The following HS6ST3 variants were observed in gnomAD, a reference collection of about 807,000 sequenced individuals.
HS6ST3 encodes the protein heparan sulfate 6-O-sulfotransferase 3, also known as heparan-sulfate 6-O-sulfotransferase 3.
In HS6ST3, 12 loss-of-function variants were observed where a neutral mutation model predicts 36.7. The ratio of observed to expected loss-of-function variants is 0.33; its 90% confidence interval spans 0.21 to 0.53. The LOEUF (loss-of-function observed/expected upper bound fraction) is 0.53, where lower values mean the gene tolerates loss of function less well. Ranked by LOEUF, HS6ST3 falls within the 20% of genes least tolerant of loss-of-function variation. The pLI is 0.95. For synonymous variants in HS6ST3, 240 were observed against 257.5 expected, an observed-to-expected ratio of 0.93 and a Z score of 0.65; for missense variants, 584 against 640.9, an observed-to-expected ratio of 0.91 and a Z score of 0.96.
intron 1 of HS6ST3, among the ~76,000 whole-genome samples, chr13:96,745,582 C>T (rs957319518): frequency 6.6e-6 from 1 of 152,046 alleles, no homozygotes; most frequent in African/African-American, 2.4e-5. Flanking sequence ...TCACCATGCC[C>T]CCATTGAAAT....
intron 1 of HS6ST3, among the ~76,000 whole-genome samples, chr13:96,319,189 A>G (rs577019879): frequency 6.6e-6 from 1 of 152,298 alleles, no homozygotes; most frequent in Admixed American, 6.5e-5. Context: ...TATTCTGGAC[A>G]TTTTCTATAA....
intron 1 of HS6ST3, among the ~76,000 whole-genome samples, chr13:96,347,318 A>G (rs989283195): frequency 6.6e-6 from 1 of 152,194 alleles, no homozygotes; most frequent in East Asian, 1.9e-4. Flanking sequence ...GGAGTTGCCA[A>G]CAAAAGCACG....
intron 1 of HS6ST3, among the ~76,000 whole-genome samples, chr13:96,476,425 T>G (rs1460285372): frequency 6.6e-6 from 1 of 152,076 alleles, no homozygotes; most frequent in Non-Finnish European, 1.5e-5. Context: ...TGCAATGGTG[T>G]GATCTTGGCT....
intron 1 of HS6ST3, among the ~76,000 whole-genome samples, chr13:96,288,723 C>A (rs1178430266): frequency 1.3e-5 from 2 of 151,856 alleles, no homozygotes; most frequent in Non-Finnish European, 2.9e-5. Flanking sequence ...ATACTAAAAC[C>A]CTAAATCATT....
At chr13:96,434,627 A>G (rs2055632394) in intron 1 of HS6ST3, among the ~76,000 whole-genome samples, 1 of 152,008 alleles carries the variant, frequency 6.6e-6, no homozygotes, top group Admixed American at 6.6e-5. Context: ...TTCTCTTACC[A>G]GGCCTTGACC....
intron 1 of HS6ST3, among the ~76,000 whole-genome samples, chr13:96,108,570 G>C (rs188468803): frequency 6.6e-6 from 1 of 152,204 alleles, no homozygotes; most frequent in African/African-American, 2.4e-5. Context: ...GGGCATCATG[G>C]AACCTGCCAA....
At chr13:96,318,665 G>GTT (rs11432080) in intron 1 of HS6ST3, among the ~76,000 whole-genome samples, 5 of 151,732 alleles carry the variant, frequency 3.3e-5, no homozygotes, top group East Asian at 3.9e-4. Flanking sequence ...CTCATTACTT[G>GTT]TTTTTTTTGG....
chr13:96,273,627 C>G (rs1401902205), intron 1 of HS6ST3, among the ~76,000 whole-genome samples: 1 of 152,066 alleles, frequency 6.6e-6, no homozygotes, highest in African/African-American at 2.4e-5. Context: ...AGACTGATAA[C>G]TGGAGTCACT....
chr13:96,809,538 T>C (rs913010653), intron 1 of HS6ST3, among the ~76,000 whole-genome samples: 2 of 152,200 alleles, frequency 1.3e-5, no homozygotes, highest in African/African-American at 4.8e-5. Context: ...TCAGCAAGGC[T>C]GGTGGAAGAG....
intron 1 of HS6ST3, among the ~76,000 whole-genome samples, chr13:96,656,998 T>TGTGAGAGAGAGA (rs1397374817): frequency 1.0e-5 from 1 of 98,276 alleles, no homozygotes; most frequent in African/African-American, 4.3e-5. Flanking sequence ...TGTGTGTGTG[T>TGTGAGAGAGAGA]GAGAGAGAGA....
intron 1 of HS6ST3, among the ~76,000 whole-genome samples, chr13:96,626,475 T>C (rs2056512887): frequency 6.6e-6 from 1 of 152,208 alleles, no homozygotes; most frequent in African/African-American, 2.4e-5. Flanking sequence ...TTTATTTAAA[T>C]GTATTTAAAC....
chr13:96,092,549 C>T (rs1244386479), intron 1 of HS6ST3, among the ~76,000 whole-genome samples: 2 of 151,972 alleles, frequency 1.3e-5, no homozygotes, highest in African/African-American at 2.4e-5. Flanking sequence ...TGCTAAAGGA[C>T]GAAAATATTA....
chr13:96,439,046 GAT>G (rs2055656907), intron 1 of HS6ST3, among the ~76,000 whole-genome samples: 3 of 151,142 alleles, frequency 2.0e-5, no homozygotes, highest in African/African-American at 7.3e-5. Flanking sequence ...CAGCCTGGGC[GAT>G]AGAGCAAGAA....
intron 1 of HS6ST3, among the ~76,000 whole-genome samples, chr13:96,535,209 G>T (rs1158749979): frequency 1.3e-5 from 2 of 152,026 alleles, no homozygotes; most frequent in Admixed American, 6.5e-5. Flanking sequence ...GTAGAAGAAG[G>T]TTTGATTGGG....
intron 1 of HS6ST3, among the ~76,000 whole-genome samples, chr13:96,169,326 T>C (rs1483611209): frequency 6.6e-6 from 1 of 152,002 alleles, no homozygotes; most frequent in African/African-American, 2.4e-5. Flanking sequence ...CCAGAGTCCC[T>C]TATTTAAATA....
chr13:96,357,892 A>G (rs572917443), intron 1 of HS6ST3, among the ~76,000 whole-genome samples: 1 of 152,342 alleles, frequency 6.6e-6, no homozygotes, highest in African/African-American at 2.4e-5. Flanking sequence ...CAAAGATAGT[A>G]TCACAGATCA....
chr13:96,472,559 A>G (rs1260465944), intron 1 of HS6ST3, among the ~76,000 whole-genome samples: 1 of 152,154 alleles, frequency 6.6e-6, no homozygotes, highest in East Asian at 1.9e-4. Context: ...GCTTCTTGGC[A>G]TCTTGTGCTT....
chr13:96,172,729 T>A (rs1056596353), intron 1 of HS6ST3, among the ~76,000 whole-genome samples: 1 of 152,174 alleles, frequency 6.6e-6, no homozygotes, highest in Admixed American at 6.5e-5. Context: ...TAGTTAGGGA[T>A]GAAAAGGAGA....
intron 1 of HS6ST3, among the ~76,000 whole-genome samples, chr13:96,554,172 A>G (rs2056230783): frequency 1.3e-5 from 2 of 152,214 alleles, no homozygotes; most frequent in Admixed American, 6.5e-5. Context: ...CTTGGCTTTC[A>G]TATTAATTTA....
Sources: allele counts gnomAD v4.1 joint callset (sites outside exome capture counted in the v4.1 genomes callset), GRCh38; gene constraint gnomAD v4.1.1; transcripts MANE v1.5; gene names NCBI Gene and HGNC (gene_info 2026-07-23, HGNC 2026-07-21).